BRAF: variants seen among roughly 807,000 people sequenced by gnomAD.
The protein encoded by BRAF is serine/threonine-protein kinase B-raf.
Under a neutral mutation model 104.6 loss-of-function variants are expected in BRAF, and 16 were observed. That is an observed-to-expected ratio of 0.15 (90% CI 0.10 to 0.23). The LOEUF is 0.23. BRAF is among the 10% of genes least tolerant of loss of function. The pLI is 1.00. For missense variants in BRAF, 541 were observed against 937.3 expected (o/e 0.58, Z 5.52); for synonymous variants, 310 against 341.6 (o/e 0.91, Z 1.02).
chr7:140,782,882 C>A (rs1196646047), intron 11 of BRAF, 139 bp downstream of exon 10: 14 of 1,092,812 alleles, frequency 1.3e-5, no homozygotes, highest in African/African-American at 1.6e-5. Context: ...AAGCAAAAAA[C>A]TATCAGTTCT....
intron 1 of BRAF, among the ~76,000 whole-genome samples, chr7:140,887,950 C>G (rs1218722715): frequency 6.6e-6 from 1 of 151,528 alleles, no homozygotes; most frequent in Non-Finnish European, 1.5e-5. Flanking sequence ...ATGATTTCAG[C>G]TCACTGCAAC....
At position 140,763,494 on chromosome 7, in the gene BRAF, G is replaced by A. The variant is rs375349611; in HGVS notation, c.1815-9261C>T. On this transcript the variant is annotated intron_variant, in intron 14 of 19. Coordinates refer to ENST00000644969, the MANE Select transcript of BRAF (RefSeq NM_001374258.1). ...CCCCCACCTCCTTCCCGGACGGGGC[G>A]GCTGGCCCAGGAGCTGGTTTTTTGA... Among the ~76,000 whole-genome samples the A allele has an allele frequency of 4.2e-4, 64 of 152,268 alleles. No individual in the cohort carries two copies. The East Asian group carries it at 5.4e-3, about 13-fold the overall frequency.
Position 140,776,968 on chromosome 7 carries a change from G to C in BRAF, c.1758C>G (p.Thr586=), listed in dbSNP as rs774022437. Residue 586 remains threonine (T), a synonymous_variant, in exon 14 of 20, where the codon ACC becomes ACG. Transcript: ENST00000644969. ...SLYHHLHIIE[T]KFEMIKLIDI... is the part of the protein sequence containing the mutation. The stretch of plus-strand genomic sequence containing the variant: ...CTATAAGTTTGATCATCTCAAATTT[G>C]GTCTCAATGATATGGAGATGGTGAT... The C allele has an allele frequency of 5.6e-6, 9 of 1,613,402 alleles. No individual in the cohort carries two copies. Among genetic ancestry groups the C allele is most frequent in the Non-Finnish European group, 7.6e-6 (9 of 1,179,512 alleles).
chr7:140,831,094 C>T (rs1322827633), intron 3 of BRAF, among the ~76,000 whole-genome samples: 1 of 152,162 alleles, frequency 6.6e-6, no homozygotes, highest in Non-Finnish European at 1.5e-5. Context: ...TATGCTATAC[C>T]TGGGTAGATA....
chr7:140,861,578 G>A (rs930481873), intron 1 of BRAF, among the ~76,000 whole-genome samples: 16 of 151,670 alleles, frequency 1.1e-4, no homozygotes, highest in African/African-American at 2.9e-4. Context: ...TGCAATCAAC[G>A]TTCTAGATTG....
At chr7:140,718,180 C>T (rs927641712), downstream of BRAF, among the ~76,000 whole-genome samples, 1 of 152,092 alleles carries the variant, frequency 6.6e-6, no homozygotes, top group Admixed American at 6.5e-5. Context: ...CTGCAACCTC[C>T]GCCTCCCAGG....
intron 2 of BRAF, among the ~76,000 whole-genome samples, chr7:140,842,912 T>C (rs1015620357): frequency 6.6e-6 from 1 of 152,116 alleles, no homozygotes; most frequent in Non-Finnish European, 1.5e-5. Flanking sequence ...ATCAAGAGGA[T>C]TTCTGATGGT....
At chr7:140,771,493 C>T (rs905274294) in intron 14 of BRAF, among the ~76,000 whole-genome samples, 1 of 152,168 alleles carries the variant, frequency 6.6e-6, no homozygotes, top group African/African-American at 2.4e-5. Context: ...CGTGTCCAGA[C>T]TAACTTTTCT....
At position 140,725,549 on chromosome 7, in the gene BRAF, C is replaced by A; in HGVS notation, c.*945G>T. The A allele has an allele frequency of 9.6e-7, 1 of 1,036,998 alleles. No individual in the cohort carries two copies. Among genetic ancestry groups the A allele is most frequent in the Non-Finnish European group, 1.2e-6 (1 of 857,492 alleles). The allele number at this position is 1,036,998 out of a possible 1,614,324, so 64.2% of individuals were successfully genotyped here. On this transcript the variant is annotated 3_prime_UTR_variant, in exon 20 of 20. Coordinates refer to ENST00000644969, the MANE Select transcript of BRAF (RefSeq NM_001374258.1). The stretch of plus-strand genomic sequence containing the variant: ...TTATCTAAATTTCTCACATTCAAAA[C>A]TGTTATTAAGCAGTTTTGTGGGGGT...
At chr7:140,801,283 T>TA (rs1291205763) in intron 6 of BRAF, 129 bp downstream of exon 6, 31 of 1,054,100 alleles carry the variant, frequency 2.9e-5, no homozygotes, top group Non-Finnish European at 3.9e-5. Context: ...TAACTACACT[T>TA]AAAAAAAATT....
intron 3 of BRAF, among the ~76,000 whole-genome samples, chr7:140,818,726 T>A (rs186892083): frequency 1.3e-5 from 2 of 152,346 alleles, no homozygotes; most frequent in Admixed American, 1.3e-4. Flanking sequence ...GGCAATTATC[T>A]TTACAATACT....
rs572838598 is a variant in BRAF, at chr7:140,761,345, T to C, written c.1815-7112A>G. Among the ~76,000 whole-genome samples the C allele has an allele frequency of 3.3e-5, 5 of 151,858 alleles. No homozygotes were observed. The South Asian group carries it at 1.0e-3, about 32-fold the overall frequency. On this transcript the variant is annotated intron_variant, in intron 14 of 19. Transcript: ENST00000644969. ...TTACAGACAAGCAAATGCTGAGAGA[T>C]TTTGCCACCCCCAGGCCTGCCCTAA... is the stretch of plus-strand genomic sequence containing the variant.
intron 14 of BRAF, among the ~76,000 whole-genome samples, chr7:140,762,861 C>T (rs797012724): frequency 3.9e-5 from 6 of 152,152 alleles, no homozygotes; most frequent in African/African-American, 1.4e-4. Flanking sequence ...CATCTTGCAC[C>T]GCCCTTAATC....
chr7:140,759,936 C>CA (rs967511700), intron 14 of BRAF, among the ~76,000 whole-genome samples: 1 of 152,204 alleles, frequency 6.6e-6, no homozygotes, highest in Admixed American at 6.5e-5. Context: ...AGATGCTACT[C>CA]AGACCACATT....
chr7:140,737,333 T>C (rs1160911169), intron 18 of BRAF, among the ~76,000 whole-genome samples: 5 of 152,174 alleles, frequency 3.3e-5, no homozygotes, highest in Admixed American at 2.0e-4. Flanking sequence ...CTTCCCAACA[T>C]TGTTCCCAGT....
intron 18 of BRAF, among the ~76,000 whole-genome samples, chr7:140,735,598 C>T (rs1290700269): frequency 6.6e-6 from 1 of 151,266 alleles, no homozygotes; most frequent in Non-Finnish European, 1.5e-5. Context: ...CTGTTGTCAA[C>T]CAGGCTGGAG....
In BRAF at chr7:140,754,129, T is replaced by G. The variant is rs112847359; in HGVS notation, c.1861+58A>C. On this transcript the variant is annotated intron_variant, in intron 15 of 19. Coordinates refer to ENST00000644969, the MANE Select transcript of BRAF (RefSeq NM_001374258.1). Reference sequence around the variant, plus strand: ...GTTTTTACATAATGTGAAGACAAAATGCAGAAGAAAAAGTCAGGATGTTTT... The same window carrying G: ...GTTTTTACATAATGTGAAGACAAAAGGCAGAAGAAAAAGTCAGGATGTTTT... The G allele has an allele frequency of 2.0e-3, 3,107 of 1,520,514 alleles. 7 individuals are homozygous for G. Among genetic ancestry groups the G allele is most frequent in the Non-Finnish European group, 2.4e-3 (2,607 of 1,095,144 alleles). The allele number at this position is 1,520,514 out of a possible 1,614,324, so 94.2% of individuals were successfully genotyped here.
chr7:140,735,637 A>C (rs1241083069), intron 18 of BRAF, among the ~76,000 whole-genome samples: 1 of 151,400 alleles, frequency 6.6e-6, no homozygotes, highest in Non-Finnish European at 1.5e-5. Context: ...GCTCACTGCA[A>C]CCTCCCCCTC....
intron 1 of BRAF, among the ~76,000 whole-genome samples, chr7:140,869,329 A>G (rs1179466760): frequency 6.6e-6 from 1 of 152,020 alleles, no homozygotes; most frequent in Non-Finnish European, 1.5e-5. Flanking sequence ...AATTGATGAC[A>G]TCTTAAAAAT....
Sources: allele counts gnomAD v4.1 joint callset (sites outside exome capture counted in the v4.1 genomes callset), GRCh38; gene constraint gnomAD v4.1.1; transcripts MANE v1.5; gene names NCBI Gene and HGNC (gene_info 2026-07-23, HGNC 2026-07-21).